GRIK2: variants seen among roughly 807,000 people sequenced by gnomAD.
GRIK2 encodes glutamate receptor ionotropic, kainate 2.
In GRIK2, 32 loss-of-function variants were observed where a neutral mutation model predicts 100.3. The observed-to-expected ratio is 0.32, with a 90% CI of 0.24 to 0.43. The LOEUF is 0.43. Among genes scored for constraint, GRIK2 ranks in the 20% least tolerant of loss-of-function variants. The probability of loss-of-function intolerance (pLI) is 1.00; values close to 1 mark genes in which losing one functional copy is unlikely to be tolerated. For missense variants in GRIK2, 843 were observed against 1,114.9 expected (o/e 0.76, Z 3.47); for synonymous variants, 417 against 389.4 (o/e 1.07, Z -0.83).
chr6:101,771,151 T>G (rs1456343318), intron 7 of GRIK2, among the ~76,000 whole-genome samples: 1 of 152,156 alleles, frequency 6.6e-6, no homozygotes, highest in Non-Finnish European at 1.5e-5. Context: ...TGTTATCATT[T>G]GATTCTTTCA....
rs544478655 is a variant in GRIK2, at chr6:101,719,244, G to T, written c.951+32891G>T. ...GGCAGATTTCCTGAATCAAATAGCA[G>T]CTGTTTGGGGAAAGTAGCAAGCACA... On this transcript the variant is annotated intron_variant, in intron 7 of 16. Transcript: ENST00000369134. 3.4e-5 allele frequency among the ~76,000 whole-genome samples: 5 copies of T among 146,192 alleles called. No individual in the cohort carries two copies. The Admixed American group carries it at 3.5e-4, about 10-fold the overall frequency.
chr6:101,661,529 A>G (rs1164728762), intron 4 of GRIK2, among the ~76,000 whole-genome samples: 1 of 151,532 alleles, frequency 6.6e-6, no homozygotes, highest in Non-Finnish European at 1.5e-5. Flanking sequence ...GTAAGAAAAA[A>G]CACTCCTGCA....
intron 2 of GRIK2, among the ~76,000 whole-genome samples, chr6:101,518,961 G>A (rs911812154): frequency 1.3e-5 from 2 of 152,120 alleles, no homozygotes; most frequent in Admixed American, 6.6e-5. Flanking sequence ...GATTCCAGTC[G>A]AGACTGTTAG....
chr6:101,747,409 G>A (rs190704789), intron 7 of GRIK2, among the ~76,000 whole-genome samples: 16 of 152,258 alleles, frequency 1.1e-4, no homozygotes, highest in African/African-American at 3.6e-4. Context: ...GAAAGGCAAT[G>A]GCTTTTCTGT....
intron 2 of GRIK2, among the ~76,000 whole-genome samples, chr6:101,536,943 A>G (rs1322540360): frequency 6.6e-6 from 1 of 151,808 alleles, no homozygotes; most frequent in East Asian, 1.9e-4. Flanking sequence ...TAGGAATAAA[A>G]GATAAAAATT....
intron 10 of GRIK2, among the ~76,000 whole-genome samples, chr6:101,852,618 T>A (rs987511876): frequency 2.0e-5 from 3 of 152,160 alleles, no homozygotes; most frequent in African/African-American, 7.2e-5. Context: ...CGCTCAAGTC[T>A]AGTTCAGAAG....
intron 2 of GRIK2, among the ~76,000 whole-genome samples, chr6:101,487,941 GA>G (rs555391860): frequency 2.8e-5 from 4 of 145,304 alleles, no homozygotes; most frequent in Admixed American, 1.4e-4. Context: ...TCCACTACGG[GA>G]AAAAAAATCT....
chr6:102,057,424 G>C (rs1348709576), intron 16 of GRIK2, among the ~76,000 whole-genome samples: 1 of 151,848 alleles, frequency 6.6e-6, no homozygotes, highest in Non-Finnish European at 1.5e-5. Flanking sequence ...AACGTATCGT[G>C]CTTCATTGTT....
chr6:101,426,893 C>T (rs1244342189), intron 2 of GRIK2, among the ~76,000 whole-genome samples: 4 of 152,160 alleles, frequency 2.6e-5, no homozygotes, highest in Non-Finnish European at 5.9e-5. Flanking sequence ...TCCAGCGGTC[C>T]TCTGTGCTCT....
intron 12 of GRIK2, among the ~76,000 whole-genome samples, chr6:101,900,538 A>G (rs566734846): frequency 6.6e-6 from 1 of 152,156 alleles, no homozygotes; most frequent in African/African-American, 2.4e-5. Context: ...AACATATTTC[A>G]GTTGTTTTAG....
intron 9 of GRIK2, among the ~76,000 whole-genome samples, chr6:101,815,793 G>C (rs894241789): frequency 2.0e-5 from 3 of 152,074 alleles, no homozygotes; most frequent in Non-Finnish European, 4.4e-5. Context: ...TCATGTAGTT[G>C]ACAATCTAGG....
intron 11 of GRIK2, among the ~76,000 whole-genome samples, chr6:101,875,705 T>G (rs1040334570): frequency 1.6e-4 from 24 of 151,886 alleles, no homozygotes; most frequent in African/African-American, 5.6e-4. Flanking sequence ...TAAGCTTTAT[T>G]TCTCTTTATT....
chr6:101,831,813 C>T (rs1732678193), intron 10 of GRIK2, among the ~76,000 whole-genome samples: 1 of 151,998 alleles, frequency 6.6e-6, no homozygotes, highest in Admixed American at 6.6e-5. Context: ...TTATTGTCAA[C>T]TAATATTCTT....
chr6:101,952,193 A>G (rs1183175802), intron 14 of GRIK2, among the ~76,000 whole-genome samples: 1 of 152,194 alleles, frequency 6.6e-6, no homozygotes, highest in Non-Finnish European at 1.5e-5. Context: ...ACCTTTTGGT[A>G]TTAGCTTTTT....
chr6:101,529,581 A>G (rs1455019214), intron 2 of GRIK2, among the ~76,000 whole-genome samples: 1 of 152,080 alleles, frequency 6.6e-6, no homozygotes, highest in Non-Finnish European at 1.5e-5. Context: ...TTTGATATTC[A>G]TTAATTCAAC....
chr6:101,676,253 C>A (rs1770832375), intron 4 of GRIK2, among the ~76,000 whole-genome samples: 1 of 152,110 alleles, frequency 6.6e-6, no homozygotes, highest in Non-Finnish European at 1.5e-5. Flanking sequence ...CTATTTTACT[C>A]TATGTCTTTT....
Position 101,533,718 on chromosome 6 carries a change from G to A in GRIK2, c.116-88231G>A, listed in dbSNP as rs112664948. Among the ~76,000 whole-genome samples, 10 of 152,036 alleles carry A rather than the reference G, an allele frequency of 6.6e-5. 1 individual carries two copies. The highest frequency in any genetic ancestry group is 2.4e-4 in the African/African-American group (10 of 41,514). On this transcript the variant is annotated intron_variant, in intron 2 of 16. Coordinates refer to ENST00000369134, the MANE Select transcript of GRIK2 (RefSeq NM_021956.5). Reference sequence around the variant, plus strand: ...GCAGTGCAGAGACAATGTGAATCGTGCTCTGGGTTTGAATGTAAGTGCCTA... The same window carrying A: ...GCAGTGCAGAGACAATGTGAATCGTACTCTGGGTTTGAATGTAAGTGCCTA...
chr6:102,008,894 A>C (rs1203194267), intron 14 of GRIK2, among the ~76,000 whole-genome samples: 3 of 152,080 alleles, frequency 2.0e-5, no homozygotes, highest in African/African-American at 7.2e-5. Context: ...GTAAATAAAT[A>C]ATATGTAATA....
At chr6:101,632,637 T>C (rs1453617992) in intron 4 of GRIK2, among the ~76,000 whole-genome samples, 1 of 152,156 alleles carries the variant, frequency 6.6e-6, no homozygotes, top group Admixed American at 6.6e-5. Context: ...GTTAAACATA[T>C]ATATGTGAGT....
Sources: allele counts gnomAD v4.1 joint callset (sites outside exome capture counted in the v4.1 genomes callset), GRCh38; gene constraint gnomAD v4.1.1; transcripts MANE v1.5; gene names NCBI Gene and HGNC (gene_info 2026-07-23, HGNC 2026-07-21).